The following KCNIP4 variants were observed in gnomAD, a reference collection of about 807,000 sequenced individuals.
KCNIP4 encodes the protein Kv channel-interacting protein 4.
Under a neutral mutation model 34.0 loss-of-function variants are expected in KCNIP4, and 12 were observed. The observed-to-expected ratio is 0.35, with a 90% CI of 0.23 to 0.57. The LOEUF (loss-of-function observed/expected upper bound fraction) is 0.57. KCNIP4 is among the 20% of genes least tolerant of loss of function. The pLI is 0.83. For missense variants in KCNIP4, 238 were observed against 311.7 expected (o/e 0.76, Z 1.78); for synonymous variants, 124 against 102.2 (o/e 1.21, Z -1.29).
At chr4:20,920,699 G>T (rs1729311500) in intron 1 of KCNIP4, among the ~76,000 whole-genome samples, 1 of 152,124 alleles carries the variant, frequency 6.6e-6, no homozygotes, top group African/African-American at 2.4e-5. Flanking sequence ...TTTTAAAAAA[G>T]ATAAGCTTGG....
intron 1 of KCNIP4, among the ~76,000 whole-genome samples, chr4:21,199,573 T>C (rs1262104770): frequency 6.6e-6 from 1 of 152,216 alleles, no homozygotes; most frequent in Non-Finnish European, 1.5e-5. Context: ...TTTAGTTTAA[T>C]TAGATCCCAT....
In KCNIP4 at chr4:21,012,390, G is replaced by A. The variant is rs150661229; in HGVS notation, c.62-129681C>T. On this transcript the variant is annotated intron_variant, in intron 1 of 8. Transcript: ENST00000382152. ...GTCCAGGAGTTCAAGACCAGCCTGG[G>A]CAGCATAATGAGTCCACATCTTCAC... Among the ~76,000 whole-genome samples, 1,131 of 152,158 alleles carry A rather than the reference G, an allele frequency of 7.4e-3. 14 individuals are homozygous for A. The highest frequency in any genetic ancestry group is 0.025 in the African/African-American group (1,038 of 41,494).
rs1475325840 is a variant in KCNIP4 at position 21,202,646 on chromosome 4, G to T, written c.62-319937C>A. 2.0e-5 allele frequency among the ~76,000 whole-genome samples: 3 copies of T among 152,326 alleles called. No homozygotes were observed. The East Asian group carries it at 5.8e-4, about 29-fold the overall frequency. Reference sequence around the variant, plus strand: ...TAAGCAATGTGGACAAGGCCCCAGAGCAGTGACAGTCCAGGGTCTGGTGCT... The same window carrying T: ...TAAGCAATGTGGACAAGGCCCCAGATCAGTGACAGTCCAGGGTCTGGTGCT... On this transcript the variant is annotated intron_variant, in intron 1 of 8. Coordinates refer to ENST00000382152, the MANE Select transcript of KCNIP4 (RefSeq NM_025221.6).
At chr4:21,814,665 C>T (rs997597652) in intron 1 of KCNIP4, among the ~76,000 whole-genome samples, 14 of 152,032 alleles carry the variant, frequency 9.2e-5, no homozygotes, top group South Asian at 2.1e-4. Flanking sequence ...GGCTGAGCCC[C>T]GTTAAGAGCA....
chr4:21,193,806 C>T (rs1273718716), intron 1 of KCNIP4, among the ~76,000 whole-genome samples: 2 of 151,984 alleles, frequency 1.3e-5, no homozygotes, highest in African/African-American at 2.4e-5. Flanking sequence ...CTCCTGACCT[C>T]GTGATCCACC....
At chr4:21,094,780 G>T (rs1339123624) in intron 1 of KCNIP4, among the ~76,000 whole-genome samples, 1 of 152,112 alleles carries the variant, frequency 6.6e-6, no homozygotes. Flanking sequence ...CCTATGGAGA[G>T]GTCAATATAA....
intron 5 of KCNIP4, among the ~76,000 whole-genome samples, chr4:20,737,653 A>G (rs1270288044): frequency 1.3e-5 from 2 of 152,200 alleles, no homozygotes; most frequent in Non-Finnish European, 2.9e-5. Flanking sequence ...AGAAGAGGTA[A>G]GAATCTGAGG....
At chr4:21,298,677 G>C (rs1763985166) in intron 1 of KCNIP4, among the ~76,000 whole-genome samples, 1 of 152,060 alleles carries the variant, frequency 6.6e-6, no homozygotes. Flanking sequence ...CGCTTGATTT[G>C]ACTGAAATTT....
At chr4:20,880,892 G>A (rs543090822) in intron 2 of KCNIP4, among the ~76,000 whole-genome samples, 1 of 152,170 alleles carries the variant, frequency 6.6e-6, no homozygotes. Flanking sequence ...GTGAGATGGT[G>A]TGCATGTGTG....
intron 5 of KCNIP4, among the ~76,000 whole-genome samples, chr4:20,743,421 G>T (rs1413937579): frequency 6.6e-6 from 1 of 152,058 alleles, no homozygotes; most frequent in African/African-American, 2.4e-5. Flanking sequence ...CCAAAACAGA[G>T]ATATAGACCA....
chr4:20,913,133 G>A (rs1196084544), intron 1 of KCNIP4, among the ~76,000 whole-genome samples: 1 of 151,880 alleles, frequency 6.6e-6, no homozygotes, highest in Non-Finnish European at 1.5e-5. Context: ...CAACCACAAT[G>A]TCCATTAACT....
chr4:21,151,424 T>TC (rs1255576379), intron 1 of KCNIP4, among the ~76,000 whole-genome samples: 1 of 144,622 alleles, frequency 6.9e-6, no homozygotes, highest in East Asian at 2.0e-4. Flanking sequence ...TTTTTTTTTT[T>TC]TTTTTTTTTT....
At chr4:21,233,611 C>T (rs1758958454) in intron 1 of KCNIP4, among the ~76,000 whole-genome samples, 1 of 151,522 alleles carries the variant, frequency 6.6e-6, no homozygotes, top group Non-Finnish European at 1.5e-5. Flanking sequence ...AAAGATAAGG[C>T]TTGAAGCAGA....
intron 1 of KCNIP4, among the ~76,000 whole-genome samples, chr4:21,096,663 TTG>T (rs1747482865): frequency 6.6e-6 from 1 of 152,292 alleles, no homozygotes; most frequent in East Asian, 1.9e-4. Flanking sequence ...ATAAATTTCC[TTG>T]TGTTTCTTAT....
intron 1 of KCNIP4, among the ~76,000 whole-genome samples, chr4:21,269,357 T>C (rs778137891): frequency 3.9e-5 from 6 of 152,094 alleles, no homozygotes; most frequent in Non-Finnish European, 7.3e-5. Context: ...AAGGAGTCTG[T>C]CTCTATGTTT....
chr4:20,831,092 A>C (rs1156361551), intron 3 of KCNIP4, among the ~76,000 whole-genome samples: 1 of 152,130 alleles, frequency 6.6e-6, no homozygotes, highest in Non-Finnish European at 1.5e-5. Flanking sequence ...TGTATAATTT[A>C]CTTTTTCCAT....
chr4:21,579,728 A>C (rs1741060166), intron 1 of KCNIP4, among the ~76,000 whole-genome samples: 1 of 152,208 alleles, frequency 6.6e-6, no homozygotes, highest in Non-Finnish European at 1.5e-5. Context: ...AATTCAGTAC[A>C]GTTGAACACA....
intron 1 of KCNIP4, among the ~76,000 whole-genome samples, chr4:20,996,963 G>A (rs1436272350): frequency 1.3e-5 from 2 of 152,100 alleles, no homozygotes; most frequent in African/African-American, 4.8e-5. Flanking sequence ...CCTCACGCAG[G>A]CATTTGAATC....
At chr4:21,665,007 TTTATC>T (rs1168851032) in intron 1 of KCNIP4, among the ~76,000 whole-genome samples, 1 of 152,362 alleles carries the variant, frequency 6.6e-6, no homozygotes, top group East Asian at 1.9e-4. Flanking sequence ...GGATGCTTAA[TTTATC>T]TGTCACATGA....
Sources: allele counts gnomAD v4.1 joint callset (sites outside exome capture counted in the v4.1 genomes callset), GRCh38; gene constraint gnomAD v4.1.1; transcripts MANE v1.5; gene names NCBI Gene and HGNC (gene_info 2026-07-23, HGNC 2026-07-21).